The following CLEC16A variants were observed in gnomAD, a reference collection of about 807,000 sequenced individuals.
CLEC16A encodes the protein protein CLEC16A.
CLEC16A carries 51 observed loss-of-function variants against 109.5 expected under a neutral mutation model. That is an observed-to-expected ratio of 0.47 (90% CI 0.37 to 0.59). CLEC16A has a LOEUF of 0.59. Ranked by LOEUF, CLEC16A falls within the 20% of genes least tolerant of loss-of-function variation. CLEC16A has a pLI of 0.00. For missense variants in CLEC16A, 1,339 were observed against 1,394.0 expected (o/e 0.96, Z 0.63); for synonymous variants, 673 against 564.2 (o/e 1.19, Z -2.73).
chr16:11,005,115 C>A (rs906690879), intron 11 of CLEC16A, among the ~76,000 whole-genome samples: 1 of 152,138 alleles, frequency 6.6e-6, no homozygotes, highest in Non-Finnish European at 1.5e-5. Context: ...CATTCCAGTC[C>A]TTTTAAGGAT....
At chr16:11,082,275 G>A (rs2049767364) in intron 19 of CLEC16A, among the ~76,000 whole-genome samples, 1 of 152,158 alleles carries the variant, frequency 6.6e-6, no homozygotes, top group Non-Finnish European at 1.5e-5. Context: ...GTGCAGATCT[G>A]CTCGTGGACA....
intron 19 of CLEC16A, among the ~76,000 whole-genome samples, chr16:11,088,359 C>T (rs1470196035): frequency 1.3e-5 from 2 of 152,240 alleles, no homozygotes; most frequent in African/African-American, 2.4e-5. Context: ...CTGTCCCACA[C>T]CAGGGTATCT....
At chr16:11,113,827 C>T (rs2051772761) in intron 19 of CLEC16A, among the ~76,000 whole-genome samples, 2 of 152,208 alleles carry the variant, frequency 1.3e-5, no homozygotes, top group Non-Finnish European at 2.9e-5. Flanking sequence ...TTTAGTTAGG[C>T]TTTCCCTTCT....
At chr16:11,140,057 T>G (rs924422566) in intron 22 of CLEC16A, among the ~76,000 whole-genome samples, 2 of 152,196 alleles carry the variant, frequency 1.3e-5, no homozygotes, top group Admixed American at 6.5e-5. Context: ...GGTGCCTGCT[T>G]CTTCTACCTC....
rs781059027 is a variant in CLEC16A, at chr16:10,962,528, G to A, written c.283G>A (p.Val95Ile). 9 of 1,613,774 alleles carry A rather than the reference G, an allele frequency of 5.6e-6. No individual in the cohort carries two copies. The highest frequency in any genetic ancestry group is 4.0e-5 in the African/African-American group (3 of 74,890). Residue 95 changes from valine to isoleucine, a missense_variant, in exon 3 of 24, where the codon GTT becomes ATT. By Grantham distance (29) the Val-to-Ile change is conservative. Transcript: ENST00000409790. ...GCAAAAGTCGGGCCGTTACGTGTGC[G>A]TTCAGCTGCTGCAGACCTTGAACAT... ...LRQKSGRYVCVQLLQTLNILF... is the reference protein window; with the variant it reads ...LRQKSGRYVCIQLLQTLNILF...
At chr16:11,094,755 T>C (rs1387143217) in intron 19 of CLEC16A, among the ~76,000 whole-genome samples, 1 of 152,240 alleles carries the variant, frequency 6.6e-6, no homozygotes, top group Non-Finnish European at 1.5e-5. Context: ...GTAGCTCAAA[T>C]GTGAAAAATT....
At chr16:11,165,209 G>A (rs544463946) in intron 22 of CLEC16A, among the ~76,000 whole-genome samples, 3 of 152,068 alleles carry the variant, frequency 2.0e-5, no homozygotes, top group Non-Finnish European at 2.9e-5. Context: ...AACACGTATC[G>A]GCCAGGTGTG....
At chr16:11,022,295 G>C (rs1189788016) in intron 12 of CLEC16A, among the ~76,000 whole-genome samples, 1 of 149,444 alleles carries the variant, frequency 6.7e-6, no homozygotes, top group Non-Finnish European at 1.5e-5. Context: ...CCCCCAACTT[G>C]AGCAGTTGGG....
chr16:11,123,684 C>T lies in CLEC16A; in HGVS notation c.2269-58C>T, dbSNP rs1338196532. The T allele has an allele frequency of 5.8e-6, 9 of 1,555,498 alleles. No homozygotes were observed. In the Admixed American group the frequency reaches 1.0e-4, roughly 17 times the overall value. Reference sequence around the variant, plus strand: ...TAGATGCCTCATGATGCCACAGCTCCTAGCCACCCTCCTCCCAAACCCAAC... The same window carrying T: ...TAGATGCCTCATGATGCCACAGCTCTTAGCCACCCTCCTCCCAAACCCAAC... On this transcript the variant is annotated intron_variant, in intron 20 of 23. Coordinates refer to ENST00000409790, the MANE Select transcript of CLEC16A (RefSeq NM_015226.3).
intron 22 of CLEC16A, among the ~76,000 whole-genome samples, chr16:11,165,074 G>A (rs951859489): frequency 2.0e-5 from 3 of 152,156 alleles, no homozygotes; most frequent in Admixed American, 1.3e-4. Context: ...TCTGTGCCAC[G>A]AAGCACCATC....
intron 23 of CLEC16A, among the ~76,000 whole-genome samples, chr16:11,170,247 A>T (rs1234673240): frequency 6.6e-6 from 1 of 152,190 alleles, no homozygotes; most frequent in East Asian, 1.9e-4. Flanking sequence ...CCACTCGTGA[A>T]GGCCTGCTAA....
intron 18 of CLEC16A, among the ~76,000 whole-genome samples, chr16:11,057,691 T>C (rs2048279206): frequency 6.6e-6 from 1 of 152,230 alleles, no homozygotes; most frequent in Admixed American, 6.5e-5. Context: ...ATAATTTATT[T>C]TTCCTTTTTA....
chr16:11,090,850 TAG>T (rs1213854144), intron 19 of CLEC16A, among the ~76,000 whole-genome samples: 1 of 137,092 alleles, frequency 7.3e-6, no homozygotes. Flanking sequence ...GTATTTTTAG[TAG>T]AGAGAGGGTT....
chr16:11,135,346 G>A (rs1397501419), intron 22 of CLEC16A, among the ~76,000 whole-genome samples: 3 of 152,184 alleles, frequency 2.0e-5, no homozygotes, highest in Admixed American at 2.0e-4. Flanking sequence ...AAGGAACCGC[G>A]TTCCCGGATC....
At chr16:11,123,552 C>G (rs775759023) in intron 20 of CLEC16A, among the ~76,000 whole-genome samples, 190 bp from the exon 21 acceptor site, 1 of 152,200 alleles carries the variant, frequency 6.6e-6, no homozygotes, top group Non-Finnish European at 1.5e-5. Flanking sequence ...CCCACACTGT[C>G]CTCTCCCACT....
chr16:11,016,583 G>A (rs2045768641), intron 11 of CLEC16A, among the ~76,000 whole-genome samples: 1 of 152,040 alleles, frequency 6.6e-6, no homozygotes. Context: ...GGATCCTCTT[G>A]CCTCAGCCTC....
intron 10 of CLEC16A, among the ~76,000 whole-genome samples, chr16:10,989,815 T>A (rs1368566778): frequency 6.6e-6 from 1 of 152,194 alleles, no homozygotes; most frequent in African/African-American, 2.4e-5. Flanking sequence ...TTCTCTGGGT[T>A]GTGTGTTTGC....
At chr16:11,123,621 T>A (rs2052589056) in intron 20 of CLEC16A, 121 bp from the exon 21 acceptor site, 8 of 955,826 alleles carry the variant, frequency 8.4e-6, no homozygotes, top group Admixed American at 8.2e-5. Context: ...GCTGTCGATC[T>A]TAGATCAAAA....
chr16:10,947,702 T>G (rs1158889620), intron 1 of CLEC16A, among the ~76,000 whole-genome samples: 4 of 152,150 alleles, frequency 2.6e-5, no homozygotes, highest in African/African-American at 9.7e-5. Context: ...TATGGGACTT[T>G]CAGTGCTAAA....
Sources: allele counts gnomAD v4.1 joint callset (sites outside exome capture counted in the v4.1 genomes callset), GRCh38; gene constraint gnomAD v4.1.1; transcripts MANE v1.5; gene names NCBI Gene and HGNC (gene_info 2026-07-23, HGNC 2026-07-21).